TAF4B: variants seen among roughly 807,000 people sequenced by gnomAD.
TAF4B encodes the protein TATA-box binding protein associated factor 4b, also known as transcription initiation factor TFIID subunit 4B.
In TAF4B, 38 loss-of-function variants were observed where a neutral mutation model predicts 86.4. The ratio of observed to expected loss-of-function variants is 0.44; its 90% CI spans 0.34 to 0.58. The LOEUF (loss-of-function observed/expected upper bound fraction) is 0.58. TAF4B is among the 20% of genes least tolerant of loss of function. The pLI is 0.02. For synonymous variants in TAF4B, 388 were observed against 391.2 expected, an observed-to-expected ratio of 0.99 and a Z score of 0.10; for missense variants, 988 against 1,027.6, an observed-to-expected ratio of 0.96 and a Z score of 0.53.
At chr18:26,365,002 C>CTTTT (rs1236686001) in intron 14 of TAF4B, among the ~76,000 whole-genome samples, 83 of 109,210 alleles carry the variant, frequency 7.6e-4, no homozygotes, top group African/African-American at 9.7e-4. Context: ...TAATTCTATT[C>CTTTT]TTTTTTTTTT....
chr18:26,307,838 G>C (rs1443282834), intron 9 of TAF4B, among the ~76,000 whole-genome samples: 1 of 152,102 alleles, frequency 6.6e-6, no homozygotes, highest in Admixed American at 6.6e-5. Flanking sequence ...TTGTCCTTGT[G>C]TATGCTCACG....
chr18:26,238,098 G>A (rs1056006360), intron 1 of TAF4B, among the ~76,000 whole-genome samples: 5 of 152,108 alleles, frequency 3.3e-5, no homozygotes, highest in African/African-American at 4.8e-5. Context: ...CCTTACTGAC[G>A]CATTCTCGAA....
chr18:26,285,210 C>CTTTCCTTTTTTTTTTTTTTTTTTTTT (rs2056496143), intron 6 of TAF4B, among the ~76,000 whole-genome samples: 1 of 42,514 alleles, frequency 2.4e-5, no homozygotes, highest in East Asian at 9.7e-4. Flanking sequence ...TCTTCCTTTC[C>CTTTCCTTTTTTTTTTTTTTTTTTTTT]TTTTTTTTTT....
At chr18:26,238,588 AC>A (rs1417078771) in intron 1 of TAF4B, among the ~76,000 whole-genome samples, 1 of 151,422 alleles carries the variant, frequency 6.6e-6, no homozygotes, top group Non-Finnish European at 1.5e-5. Flanking sequence ...TAATATTTAT[AC>A]CTTTTTTTTT....
intron 1 of TAF4B, among the ~76,000 whole-genome samples, chr18:26,253,363 GA>G (rs1222529794): frequency 6.6e-6 from 1 of 152,054 alleles, no homozygotes; most frequent in East Asian, 1.9e-4. Context: ...TCATTCTATC[GA>G]TAGGGTGTTT....
intron 7 of TAF4B, 159 bp from the exon 8 acceptor site, chr18:26,292,087 A>C: frequency 1.5e-6 from 1 of 653,570 alleles, no homozygotes; most frequent in Non-Finnish European, 2.3e-6. Context: ...ACTTTTGAAC[A>C]AGATAATTTT....
At chr18:26,256,118 G>C in intron 1 of TAF4B, 2 of 1,568,390 alleles carry the variant, frequency 1.3e-6, no homozygotes, top group Non-Finnish European at 1.8e-6. Flanking sequence ...TCCAGCCCTT[G>C]CATCTACCAC....
intron 10 of TAF4B, 121 bp downstream of exon 10, chr18:26,315,519 A>T (rs2056902766): frequency 1.6e-6 from 1 of 618,584 alleles, no homozygotes; most frequent in Non-Finnish European, 2.5e-6. Context: ...GATTCTAGAA[A>T]TAATCAAGAT....
intron 13 of TAF4B, among the ~76,000 whole-genome samples, chr18:26,339,765 C>T (rs1415518947): frequency 6.6e-6 from 1 of 152,212 alleles, no homozygotes; most frequent in Non-Finnish European, 1.5e-5. Flanking sequence ...TCGGTATTTT[C>T]TTTTCTTAGC....
intron 1 of TAF4B, among the ~76,000 whole-genome samples, chr18:26,242,002 G>C (rs577666388): frequency 1.1e-4 from 17 of 152,140 alleles, no homozygotes; most frequent in Admixed American, 3.3e-4. Context: ...GCTTTACTTC[G>C]AACTATGTGG....
intron 1 of TAF4B, chr18:26,255,651 A>C (rs1249311464): frequency 1.1e-5 from 13 of 1,154,564 alleles, no homozygotes; most frequent in Non-Finnish European, 1.5e-5. Flanking sequence ...GGTCTTCAAA[A>C]TTTAGATGGT....
At position 26,227,295 on chromosome 18, in the gene TAF4B, C is replaced by G; in HGVS notation, c.343+19C>G. The G allele has an allele frequency of 6.2e-7, 1 of 1,600,658 alleles. No individual in the cohort carries two copies. The highest frequency in any genetic ancestry group is 1.4e-5 in the African/African-American group (1 of 73,890). On this transcript the variant is annotated intron_variant, in intron 1 of 14. Transcript: ENST00000269142. ...CCTCCAGGTATGTTGATAACCCTTT[C>G]CAGCCTTGTCTGTCGGTCCAGCTGG... is the stretch of plus-strand genomic sequence containing the variant.
At chr18:26,247,822 G>C (rs898765787) in intron 1 of TAF4B, among the ~76,000 whole-genome samples, 1 of 152,050 alleles carries the variant, frequency 6.6e-6, no homozygotes, top group East Asian at 1.9e-4. Flanking sequence ...TATGCAGTGG[G>C]CCAAGATCGT....
At chr18:26,280,468 A>G (rs2056434510) in intron 5 of TAF4B, among the ~76,000 whole-genome samples, 1 of 152,218 alleles carries the variant, frequency 6.6e-6, no homozygotes, top group Non-Finnish European at 1.5e-5. Flanking sequence ...ATCAACAAGA[A>G]AAAACCCCAT....
Position 26,293,536 on chromosome 18 carries a change from G to T in TAF4B, c.1832+5G>T. 1 of 1,534,238 alleles carries T rather than the reference G, an allele frequency of 6.5e-7. No homozygotes were observed. Among genetic ancestry groups the T allele is most frequent in the South Asian group, 1.3e-5 (1 of 79,770 alleles). On this transcript the variant is annotated splice_donor_5th_base_variant and intron_variant, in intron 9 of 14. Transcript: ENST00000269142. ...GAATGTAACATCATGCTTCCGGTAA[G>T]AAAATAAATAGTTAAATTTGGTTTA...
chr18:26,265,312 G>A lies in TAF4B; in HGVS notation c.486G>A (p.Val162=), dbSNP rs2056224373. The part of the protein sequence containing the change: ...ANPQTVKICT[V]PNSSSQLIKK... ...CTCAAACAGTCAAAATCTGTACAGT[G>A]CCGGTAATATACCTTAAATATTTTT... is the stretch of plus-strand genomic sequence containing the variant. Residue 162 remains valine, a synonymous_variant, in exon 2 of 15, where the codon GTG becomes GTA. Coordinates refer to ENST00000269142, the MANE Select transcript of TAF4B (RefSeq NM_005640.3). 6.3e-7 allele frequency: 1 copy of A among 1,597,754 alleles called. No homozygotes were observed. The highest frequency in any genetic ancestry group is 1.1e-5 in the South Asian group (1 of 87,028).
intron 14 of TAF4B, among the ~76,000 whole-genome samples, chr18:26,375,063 A>G (rs751101154): frequency 2.6e-5 from 4 of 152,146 alleles, no homozygotes; most frequent in Non-Finnish European, 4.4e-5. Flanking sequence ...TAGCTTGTTT[A>G]TTTGGCCATT....
Position 26,329,478 on chromosome 18 carries a change from G to A in TAF4B, c.2259+2338G>A, listed in dbSNP as rs148473751. 6.2e-4 allele frequency among the ~76,000 whole-genome samples: 95 copies of A among 152,260 alleles called. 1 individual carries two copies. The highest frequency in any genetic ancestry group is 2.2e-3 in the African/African-American group (93 of 41,554). On this transcript the variant is annotated intron_variant, in intron 12 of 14. Coordinates refer to ENST00000269142, the MANE Select transcript of TAF4B (RefSeq NM_005640.3). ...GCACCCATTCTGATTTCACTAGATG[G>A]CTTAACCATGTCTCTCTTTCATGGT...
intron 13 of TAF4B, among the ~76,000 whole-genome samples, chr18:26,353,442 C>T (rs1306759169): frequency 6.6e-6 from 1 of 152,176 alleles, no homozygotes; most frequent in Non-Finnish European, 1.5e-5. Context: ...ATAGAAGAGA[C>T]TTCCTTGGCT....
Sources: allele counts gnomAD v4.1 joint callset (sites outside exome capture counted in the v4.1 genomes callset), GRCh38; gene constraint gnomAD v4.1.1; transcripts MANE v1.5; gene names NCBI Gene and HGNC (gene_info 2026-07-23, HGNC 2026-07-21).